Variants in EPB41 observed in about 807,000 individuals in gnomAD.
The protein encoded by EPB41 is protein 4.1.
Under a neutral mutation model 108.0 loss-of-function variants are expected in EPB41, and 65 were observed. That is an observed-to-expected ratio of 0.60 (90% CI 0.49 to 0.74). EPB41 has a LOEUF of 0.74. EPB41 is among the 30% of genes least tolerant of loss of function. The pLI, the probability that EPB41 is intolerant of heterozygous loss-of-function variation, is 0.00. For synonymous variants in EPB41, 336 were observed against 358.9 expected (o/e 0.94, Z 0.72); for missense variants, 875 against 1,037.0 (o/e 0.84, Z 2.15).
At chr1:28,955,224 C>T (rs1159245872) in intron 1 of EPB41, among the ~76,000 whole-genome samples, 1 of 152,178 alleles carries the variant, frequency 6.6e-6, no homozygotes, top group African/African-American at 2.4e-5. Flanking sequence ...AATTTTCCTT[C>T]GTATTGCCCT....
At chr1:29,009,888 G>A (rs2096470176) in intron 4 of EPB41, among the ~76,000 whole-genome samples, 1 of 152,118 alleles carries the variant, frequency 6.6e-6, no homozygotes, top group Non-Finnish European at 1.5e-5. Context: ...TTTATTGTCT[G>A]TTGTAATGAT....
intron 1 of EPB41, among the ~76,000 whole-genome samples, chr1:28,981,857 A>T (rs984021160): frequency 6.7e-6 from 1 of 149,208 alleles, no homozygotes; most frequent in African/African-American, 2.5e-5. Context: ...TTTTCTTTTT[A>T]ATTTTTATTT....
chr1:28,994,950 G>T (rs9426402), intron 3 of EPB41, among the ~76,000 whole-genome samples: 1 of 131,862 alleles, frequency 7.6e-6, no homozygotes, highest in Non-Finnish European at 1.6e-5. Context: ...ATGAGTCACC[G>T]CACCCAGCCT....
At chr1:29,064,248 G>A (rs1646980035) in intron 15 of EPB41, among the ~76,000 whole-genome samples, 1 of 152,174 alleles carries the variant, frequency 6.6e-6, no homozygotes, top group African/African-American at 2.4e-5. Context: ...GCTGTTAGAA[G>A]CTAGAAAGCC....
chr1:29,068,676 C>T (rs1048224916), intron 16 of EPB41: 37 of 1,069,090 alleles, frequency 3.5e-5, no homozygotes, highest in South Asian at 2.4e-4. Context: ...CCACCTTTGA[C>T]GGTATTGTTG....
chr1:29,046,467 T>C (rs1256791029), intron 11 of EPB41, among the ~76,000 whole-genome samples: 1 of 152,148 alleles, frequency 6.6e-6, no homozygotes, highest in Non-Finnish European at 1.5e-5. Flanking sequence ...TATCTGTGGA[T>C]TATTTGGGGT....
Position 29,048,402 on chromosome 1 carries a change from C to T in EPB41, c.1637-4702C>T, listed in dbSNP as rs1270320602. The stretch of plus-strand genomic sequence containing the variant: ...GCTAATTTTGTATTTTTAGTAGAGA[C>T]GGGGTTTCTCCATGTTGAGGCTGGT... On this transcript the variant is annotated intron_variant, in intron 11 of 20. Coordinates refer to ENST00000343067, the MANE Select transcript of EPB41 (RefSeq NM_001376013.1). Among the ~76,000 whole-genome samples, 12 of 151,872 alleles carry T rather than the reference C, an allele frequency of 7.9e-5. No individual in the cohort carries two copies. In the East Asian group the frequency reaches 2.1e-3, roughly 27 times the overall value.
intron 1 of EPB41, among the ~76,000 whole-genome samples, chr1:28,936,355 G>C (rs1304025273): frequency 6.6e-6 from 1 of 152,094 alleles, no homozygotes; most frequent in African/African-American, 2.4e-5. Flanking sequence ...ACTTTGTACA[G>C]TGTTTTCACA....
Position 28,987,539 on chromosome 1 carries a change from G to T in EPB41, c.102G>T (p.Gln34His). 6.2e-7 allele frequency: 1 copy of T among 1,614,178 alleles called. No homozygotes were observed. The highest frequency in any genetic ancestry group is 1.1e-5 in the South Asian group (1 of 91,080). ...EAINSGQQEP[Q>H]QEESCQTAAE... ...TAAACTCAGGCCAACAAGAACCTCA[G>T]CAGGAGGAATCTTGTCAAACAGCAG... The change falls in exon 2 of 21, where the codon CAG (glutamine) becomes CAT (histidine). Residue 34 changes from glutamine (Q) to histidine (H), a missense_variant. By Grantham distance (24) the Gln-to-His change is conservative (BLOSUM62 0). Transcript: ENST00000343067.
rs1341404847 is a variant in EPB41 at position 28,991,845 on chromosome 1, C to T, written c.469-1485C>T. Among the ~76,000 whole-genome samples, 3 of 152,244 alleles carry T rather than the reference C, an allele frequency of 2.0e-5. No individual in the cohort carries two copies. The Middle Eastern group carries it at 0.01, about 518-fold the overall frequency. ...ACCCTGCAGGCCAGGTACTATTATCCTCCCTCTATCAAGTGGGGATATAAT... is the reference window on the plus strand; with the variant it reads ...ACCCTGCAGGCCAGGTACTATTATCTTCCCTCTATCAAGTGGGGATATAAT... On this transcript the variant is annotated intron_variant, in intron 2 of 20. Coordinates refer to ENST00000343067, the MANE Select transcript of EPB41 (RefSeq NM_001376013.1).
At chr1:28,993,758 G>T (rs1207117788) in intron 3 of EPB41, among the ~76,000 whole-genome samples, 1 of 149,044 alleles carries the variant, frequency 6.7e-6, no homozygotes, top group Non-Finnish European at 1.5e-5. Context: ...CCATGTTCAA[G>T]TGATTCTCCT....
At chr1:28,934,642 G>A (rs1380815403) in intron 1 of EPB41, among the ~76,000 whole-genome samples, 3 of 135,300 alleles carry the variant, frequency 2.2e-5, no homozygotes, top group South Asian at 2.7e-4. Context: ...GTGCTCTTTT[G>A]GTTGGCCTCT....
chr1:28,888,096 A>T (rs1356188001), intron 1 of EPB41, among the ~76,000 whole-genome samples: 1 of 152,128 alleles, frequency 6.6e-6, no homozygotes, highest in African/African-American at 2.4e-5. Context: ...TCGCTCCAGG[A>T]GTGGGGAGGA....
chr1:29,004,818 A>G (rs1391907704), intron 4 of EPB41, among the ~76,000 whole-genome samples: 1 of 152,214 alleles, frequency 6.6e-6, no homozygotes. Context: ...TGAAGTCAAC[A>G]TCCTAACAGC....
chr1:28,899,697 G>A (rs2091076202), intron 1 of EPB41, among the ~76,000 whole-genome samples: 1 of 152,054 alleles, frequency 6.6e-6, no homozygotes, highest in African/African-American at 2.4e-5. Flanking sequence ...ATGGTAGAGT[G>A]GAAGGAACAC....
At chr1:29,020,337 G>A (rs2096628729) in intron 7 of EPB41, among the ~76,000 whole-genome samples, 1 of 151,940 alleles carries the variant, frequency 6.6e-6, no homozygotes, top group Admixed American at 6.6e-5. Flanking sequence ...AAAGTGCTGG[G>A]ATTACAGCAC....
chr1:29,022,448 C>T (rs917704517), intron 7 of EPB41, among the ~76,000 whole-genome samples: 4 of 151,298 alleles, frequency 2.6e-5, no homozygotes, highest in Non-Finnish European at 5.9e-5. Flanking sequence ...TTAGGCCAGG[C>T]GCAGTGGCTC....
chr1:29,054,866 C>T (rs1040993863), intron 12 of EPB41, among the ~76,000 whole-genome samples: 5 of 151,818 alleles, frequency 3.3e-5, no homozygotes, highest in Admixed American at 6.6e-5. Flanking sequence ...AGTGAAGCCC[C>T]GTCTTTACTA....
intron 1 of EPB41, among the ~76,000 whole-genome samples, chr1:28,936,725 C>A (rs1167617398): frequency 6.6e-6 from 1 of 152,234 alleles, no homozygotes; most frequent in Admixed American, 6.5e-5. Context: ...ATCAGTACTT[C>A]ATTCCTTTGT....
Sources: gnomAD v4.1 joint callset for allele counts (sites outside exome capture counted in the v4.1 genomes callset) on GRCh38, gnomAD v4.1.1 for gene constraint, MANE v1.5 for transcripts, NCBI Gene and HGNC (gene_info 2026-07-23, HGNC 2026-07-21) for gene names.